Variants in KLHL1 observed in about 807,000 individuals in gnomAD.
KLHL1 encodes the protein kelch-like protein 1.
KLHL1 carries 47 observed loss-of-function variants against 77.7 expected under a neutral mutation model. The ratio of observed to expected loss-of-function variants is 0.60; its 90% CI spans 0.48 to 0.77. The LOEUF (loss-of-function observed/expected upper bound fraction) is 0.77. KLHL1 is among the 30% of genes least tolerant of loss of function. The pLI, the probability that KLHL1 is intolerant of heterozygous loss-of-function variation, is 0.00. For synonymous variants in KLHL1, 360 were observed against 325.2 expected (o/e 1.11, Z -1.15); for missense variants, 925 against 910.8 (o/e 1.02, Z -0.20).
At chr13:69,748,546 T>C (rs1291513320) in intron 7 of KLHL1, among the ~76,000 whole-genome samples, 1 of 151,844 alleles carries the variant, frequency 6.6e-6, no homozygotes, top group African/African-American at 2.4e-5. Flanking sequence ...ATGTGAGAAT[T>C]ATGGGAGTAT....
At chr13:69,948,494 G>A (rs1404294348) in intron 3 of KLHL1, among the ~76,000 whole-genome samples, 1 of 151,898 alleles carries the variant, frequency 6.6e-6, no homozygotes, top group African/African-American at 2.4e-5. Flanking sequence ...TCAAGTGGGG[G>A]ACTAAACGGG....
At chr13:69,712,743 A>C (rs957734621) in intron 9 of KLHL1, among the ~76,000 whole-genome samples, 5 of 137,570 alleles carry the variant, frequency 3.6e-5, no homozygotes, top group African/African-American at 1.3e-4. Context: ...TAAATTTATA[A>C]ATTTTGTTTG....
chr13:70,076,902 G>A (rs1262373052), intron 1 of KLHL1, among the ~76,000 whole-genome samples: 2 of 151,686 alleles, frequency 1.3e-5, no homozygotes, highest in South Asian at 2.1e-4. Context: ...TTAGGGAACT[G>A]TAAATTAATA....
At chr13:69,736,390 A>C (rs983841900) in intron 8 of KLHL1, among the ~76,000 whole-genome samples, 3 of 152,180 alleles carry the variant, frequency 2.0e-5, no homozygotes, top group Non-Finnish European at 2.9e-5. Context: ...TTTAAAAAAA[A>C]CAGATTTTGG....
chr13:70,107,398 G>A lies in KLHL1; in HGVS notation c.302C>T (p.Thr101Met), dbSNP rs374390867. The A allele has an allele frequency of 1.2e-6, 2 of 1,613,570 alleles. No homozygotes were observed. Among genetic ancestry groups the A allele is most frequent in the Admixed American group, 1.7e-5 (1 of 59,994 alleles). Residue 101 changes from threonine to methionine, a missense_variant, in exon 1 of 11, where the codon ACG (threonine) becomes ATG (methionine). Physicochemically the swap from Thr to Met is moderately conservative, Grantham distance 81. Transcript: ENST00000377844. The part of the protein sequence containing the change: ...PLNGTLLPVA[T>M]RLQQGAPGQG... ...CCCAGGAGCCCCTTGCTGCAGCCTC[G>A]TGGCAACTGGAAGCAGGGTGCCATT...
chr13:69,776,874 CTCA>C (rs1875854291), intron 7 of KLHL1, among the ~76,000 whole-genome samples: 1 of 151,922 alleles, frequency 6.6e-6, no homozygotes, highest in Non-Finnish European at 1.5e-5. Context: ...CTAGATTGTC[CTCA>C]TGTTTTCTAA....
At chr13:69,867,034 G>T (rs1880392592) in intron 5 of KLHL1, among the ~76,000 whole-genome samples, 1 of 152,024 alleles carries the variant, frequency 6.6e-6, no homozygotes, top group Admixed American at 6.6e-5. Context: ...AGTGCCAAAA[G>T]AACAGCAAGA....
intron 4 of KLHL1, among the ~76,000 whole-genome samples, chr13:69,920,173 G>GT (rs542541538): frequency 1.9e-4 from 29 of 151,898 alleles, no homozygotes; most frequent in Non-Finnish European, 2.9e-4. Flanking sequence ...ATTTGAAAGA[G>GT]TTTTTTTTAA....
intron 6 of KLHL1, among the ~76,000 whole-genome samples, chr13:69,835,031 T>G (rs1476546836): frequency 6.6e-6 from 1 of 152,164 alleles, no homozygotes; most frequent in East Asian, 1.9e-4. Flanking sequence ...ATTAAATTTG[T>G]GAATACTCCA....
intron 1 of KLHL1, among the ~76,000 whole-genome samples, chr13:70,087,985 G>A (rs1469493972): frequency 6.6e-6 from 1 of 152,124 alleles, no homozygotes; most frequent in Non-Finnish European, 1.5e-5. Context: ...TTCATATCTA[G>A]GTGATGGGTT....
At chr13:69,984,518 G>C (rs529352466) in intron 1 of KLHL1, among the ~76,000 whole-genome samples, 1 of 152,238 alleles carries the variant, frequency 6.6e-6, no homozygotes, top group South Asian at 2.1e-4. Context: ...GCTTCTTTGA[G>C]CTAGGTAAAT....
At chr13:70,070,065 G>A (rs1317621739) in intron 1 of KLHL1, among the ~76,000 whole-genome samples, 1 of 151,728 alleles carries the variant, frequency 6.6e-6, no homozygotes, top group African/African-American at 2.4e-5. Context: ...GTAGTTGGGA[G>A]GCTGAGGCAT....
chr13:69,825,334 G>C (rs1023049694), intron 6 of KLHL1, among the ~76,000 whole-genome samples: 1 of 152,060 alleles, frequency 6.6e-6, no homozygotes, highest in Non-Finnish European at 1.5e-5. Context: ...TAGTGGAAGG[G>C]AGCTTCGGAT....
chr13:69,814,662 G>A (rs762491973), intron 6 of KLHL1, among the ~76,000 whole-genome samples: 3 of 152,108 alleles, frequency 2.0e-5, no homozygotes, highest in Non-Finnish European at 4.4e-5. Flanking sequence ...TCAGAGAGAT[G>A]CAAATCAAAA....
intron 4 of KLHL1, among the ~76,000 whole-genome samples, chr13:69,893,558 A>G (rs1881512475): frequency 6.6e-6 from 1 of 152,222 alleles, no homozygotes; most frequent in African/African-American, 2.4e-5. Flanking sequence ...AGTTTGTCAA[A>G]TAATAATTTA....
At chr13:69,870,088 A>T (rs1475222697) in intron 5 of KLHL1, among the ~76,000 whole-genome samples, 1 of 152,176 alleles carries the variant, frequency 6.6e-6, no homozygotes, top group Non-Finnish European at 1.5e-5. Context: ...TTGCTATCAA[A>T]GAATACCTGA....
intron 3 of KLHL1, among the ~76,000 whole-genome samples, chr13:69,951,043 G>C (rs557517698): frequency 6.6e-6 from 1 of 151,624 alleles, no homozygotes; most frequent in Admixed American, 6.6e-5. Flanking sequence ...TTTATGGTGA[G>C]GAAAATGTTT....
chr13:69,976,637 A>C, intron 1 of KLHL1, among the ~76,000 whole-genome samples: 1 of 152,210 alleles, frequency 6.6e-6, no homozygotes, highest in East Asian at 1.9e-4. Flanking sequence ...AATATTAATT[A>C]GATTCATAAA....
chr13:70,048,652 C>T (rs887028370), intron 1 of KLHL1, among the ~76,000 whole-genome samples: 1 of 152,204 alleles, frequency 6.6e-6, no homozygotes, highest in African/African-American at 2.4e-5. Flanking sequence ...CCCTCACATG[C>T]GCAGTTCACA....
Sources: gnomAD v4.1 joint callset for allele counts (sites outside exome capture counted in the v4.1 genomes callset) on GRCh38, gnomAD v4.1.1 for gene constraint, MANE v1.5 for transcripts, NCBI Gene and HGNC (gene_info 2026-07-23, HGNC 2026-07-21) for gene names.